The following MANBAL variants were observed in gnomAD, a reference collection of about 807,000 sequenced individuals.
MANBAL encodes the protein mannosidase beta like.
In MANBAL, 1 loss-of-function variant was observed where a neutral mutation model predicts 6.4. The ratio of observed to expected loss-of-function variants is 0.16; its 90% CI spans 0.06 to 0.74. The LOEUF (loss-of-function observed/expected upper bound fraction) is 0.74. Among genes scored for constraint, MANBAL ranks in the 30% least tolerant of loss-of-function variants. The pLI is 0.78. For synonymous variants in MANBAL, 47 were observed against 45.8 expected (o/e 1.03, Z -0.10); for missense variants, 100 against 107.8 (o/e 0.93, Z 0.32).
At chr20:37,297,056 G>A (rs1056349636) in intron 1 of MANBAL, 18 of 152,158 alleles carry the variant, frequency 1.2e-4, no homozygotes, top group African/African-American at 3.6e-4. Flanking sequence ...GGCCAAGGGC[G>A]TTTTAAAAAA....
chr20:37,293,745 C>T (rs2146785326), intron 1 of MANBAL, among the ~76,000 whole-genome samples: 1 of 152,320 alleles, frequency 6.6e-6, no homozygotes, highest in Admixed American at 6.5e-5. Context: ...CTCCCCCGAT[C>T]CCCTGTGGGA....
Position 37,311,204 on chromosome 20 carries a change from G to A in MANBAL, c.151-5104G>A, listed in dbSNP as rs1481600679. On this transcript the variant is annotated intron_variant, in intron 2 of 2. Coordinates refer to ENST00000373606, the MANE Select transcript of MANBAL (RefSeq NM_001003897.2). ...GTGCGTTCTCATCTTCATTCCCCGTGGCACAGTGCCCACATGTACTGGGTG... is the reference window on the plus strand; with the variant it reads ...GTGCGTTCTCATCTTCATTCCCCGTAGCACAGTGCCCACATGTACTGGGTG... Among the ~76,000 whole-genome samples the A allele has an allele frequency of 2.6e-5, 4 of 152,336 alleles. No homozygotes were observed. The East Asian group carries it at 7.7e-4, about 29-fold the overall frequency.
intron 2 of MANBAL, 74 bp downstream of exon 2, chr20:37,301,487 CA>C (rs2069135197): frequency 5.4e-6 from 8 of 1,490,536 alleles, no homozygotes; most frequent in Non-Finnish European, 7.3e-6. Context: ...TAGGTGCCAC[CA>C]CAACTGAGAT....
chr20:37,305,572 A>G (rs1373779887), intron 2 of MANBAL, among the ~76,000 whole-genome samples: 1 of 152,178 alleles, frequency 6.6e-6, no homozygotes, highest in African/African-American at 2.4e-5. Flanking sequence ...TCATGTTTTT[A>G]AATTTAAATA....
chr20:37,293,409 C>T (rs2068917628), intron 1 of MANBAL, among the ~76,000 whole-genome samples: 4 of 152,228 alleles, frequency 2.6e-5, no homozygotes, highest in South Asian at 4.1e-4. Context: ...CAATAGGGTT[C>T]GTGTTTCTAT....
At chr20:37,292,028 T>G (rs544436724) in intron 1 of MANBAL, among the ~76,000 whole-genome samples, 2 of 152,260 alleles carry the variant, frequency 1.3e-5, no homozygotes, top group African/African-American at 2.4e-5. Context: ...ACTATCGATA[T>G]GAGTTATCAT....
At chr20:37,296,829 A>C (rs953908347) in intron 1 of MANBAL, 6 of 152,226 alleles carry the variant, frequency 3.9e-5, no homozygotes, top group African/African-American at 1.4e-4. Flanking sequence ...TCATGAGAAC[A>C]TCCCGTCTCC....
chr20:37,306,421 T>A (rs1004098250), intron 2 of MANBAL, among the ~76,000 whole-genome samples: 1 of 152,138 alleles, frequency 6.6e-6, no homozygotes. Flanking sequence ...AGGGAACACA[T>A]ACAAATGCTT....
chr20:37,315,488 C>G (rs573504548), intron 2 of MANBAL, among the ~76,000 whole-genome samples: 3 of 152,244 alleles, frequency 2.0e-5, no homozygotes, highest in Non-Finnish European at 4.4e-5. Context: ...TGGAGTCTCC[C>G]TTCCTTATCA....
intron 1 of MANBAL, among the ~76,000 whole-genome samples, chr20:37,292,804 C>G (rs1165292470): frequency 6.6e-6 from 1 of 152,208 alleles, no homozygotes; most frequent in East Asian, 1.9e-4. Context: ...CCAGACTCAT[C>G]TGGTATGTTT....
intron 1 of MANBAL, among the ~76,000 whole-genome samples, chr20:37,290,264 T>C (rs1425612999): frequency 6.6e-6 from 1 of 152,158 alleles, no homozygotes; most frequent in African/African-American, 2.4e-5. Flanking sequence ...ATAATTATAT[T>C]TTGCAGGGCA....
At chr20:37,308,743 G>A (rs1009121085) in intron 2 of MANBAL, among the ~76,000 whole-genome samples, 5 of 152,106 alleles carry the variant, frequency 3.3e-5, no homozygotes, top group Non-Finnish European at 7.4e-5. Flanking sequence ...CTTCCGGATC[G>A]ATTTCTACAC....
At chr20:37,294,723 C>A (rs2068953344) in intron 1 of MANBAL, among the ~76,000 whole-genome samples, 1 of 152,170 alleles carries the variant, frequency 6.6e-6, no homozygotes, top group Non-Finnish European at 1.5e-5. Context: ...ATAGTACTAT[C>A]CTCTTCTTCC....
At chr20:37,302,245 C>T in intron 2 of MANBAL, 1 of 1,550,520 alleles carries the variant, frequency 6.4e-7, no homozygotes, top group East Asian at 2.4e-5. Flanking sequence ...TGTCATTTAA[C>T]GTGTTTCTCT....
chr20:37,312,124 G>T (rs1051482443), intron 2 of MANBAL, among the ~76,000 whole-genome samples: 1 of 152,182 alleles, frequency 6.6e-6, no homozygotes, highest in African/African-American at 2.4e-5. Context: ...GTGAGGAGGA[G>T]ACAGATCAAG....
At chr20:37,296,041 A>G (rs970046884) in intron 1 of MANBAL, among the ~76,000 whole-genome samples, 12 of 152,178 alleles carry the variant, frequency 7.9e-5, no homozygotes, top group Non-Finnish European at 1.6e-4. Context: ...CCTTTTCACA[A>G]CCACCCTCCT....
At chr20:37,311,715 G>A (rs183132365) in intron 2 of MANBAL, among the ~76,000 whole-genome samples, 12 of 152,182 alleles carry the variant, frequency 7.9e-5, no homozygotes, top group African/African-American at 2.2e-4. Context: ...TTGAACTCCC[G>A]ACCTCAGGTG....
chr20:37,299,269 G>A (rs979234449), intron 1 of MANBAL, among the ~76,000 whole-genome samples: 1 of 151,956 alleles, frequency 6.6e-6, no homozygotes, highest in African/African-American at 2.4e-5. Context: ...TGTAGAGATG[G>A]GGTCTCGCTG....
intron 2 of MANBAL, among the ~76,000 whole-genome samples, chr20:37,303,520 T>A (rs2146809728): frequency 6.6e-6 from 1 of 152,362 alleles, no homozygotes; most frequent in Middle Eastern, 3.4e-3. Flanking sequence ...CTGGAAATCT[T>A]GTTCTCAATA....
Sources: allele counts gnomAD v4.1 joint callset (sites outside exome capture counted in the v4.1 genomes callset), GRCh38; gene constraint gnomAD v4.1.1; transcripts MANE v1.5; gene names NCBI Gene and HGNC (gene_info 2026-07-23, HGNC 2026-07-21).